ABI3BP: variants seen among roughly 807,000 people sequenced by gnomAD.
The protein encoded by ABI3BP is ABI family member 3 binding protein.
In ABI3BP, 216 loss-of-function variants were observed where a neutral mutation model predicts 268.6. The observed-to-expected ratio is 0.80, with a 90% CI of 0.72 to 0.90. The LOEUF is 0.90. Among genes scored for constraint, ABI3BP ranks in the 40% least tolerant of loss-of-function variants. ABI3BP has a pLI of 0.00. For synonymous variants in ABI3BP, 730 were observed against 730.0 expected (o/e 1.00, Z 0.00); for missense variants, 2,090 against 2,182.4 (o/e 0.96, Z 0.84).
intron 6 of ABI3BP, among the ~76,000 whole-genome samples, chr3:100,879,121 C>T (rs1260066381): frequency 6.6e-6 from 1 of 152,178 alleles, no homozygotes; most frequent in Non-Finnish European, 1.5e-5. Context: ...CTTACTCCTC[C>T]TGCCTAACTG....
chr3:100,784,806 T>TCA (rs2096975678), intron 57 of ABI3BP, among the ~76,000 whole-genome samples: 7 of 152,280 alleles, frequency 4.6e-5, no homozygotes, highest in African/African-American at 1.7e-4. Context: ...CTATATGTTC[T>TCA]TACTTAAAAG....
intron 44 of ABI3BP, among the ~76,000 whole-genome samples, chr3:100,814,534 T>C (rs933264867): frequency 6.6e-6 from 1 of 152,146 alleles, no homozygotes; most frequent in African/African-American, 2.4e-5. Context: ...GTAAATATTT[T>C]GTTTTTACTA....
rs889480832 is a variant in ABI3BP at position 100,770,687 on chromosome 3, A to AG, written c.4741+55dup. On this transcript the variant is annotated intron_variant, in intron 62 of 67. Transcript: ENST00000471714. ...CGTTGACCCAGGGTACCCCACTCCC[A>AG]GGGTATCTTGTTATCAAAGCTTCCC... The AG allele has an allele frequency of 1.9e-5, 26 of 1,378,790 alleles. No individual in the cohort carries two copies. The Middle Eastern group carries it at 1.1e-3, about 57-fold the overall frequency. The allele number at this position is 1,378,790 out of a possible 1,614,324, so 85.4% of individuals were successfully genotyped here.
intron 48 of ABI3BP, among the ~76,000 whole-genome samples, chr3:100,810,943 A>G (rs1452622789): frequency 6.6e-6 from 1 of 152,158 alleles, no homozygotes; most frequent in Non-Finnish European, 1.5e-5. Context: ...CATTCAACAC[A>G]ATGCCAAGCT....
chr3:100,826,556 A>G (rs2098388366), intron 34 of ABI3BP, among the ~76,000 whole-genome samples: 2 of 152,202 alleles, frequency 1.3e-5, no homozygotes, highest in Admixed American at 1.3e-4. Flanking sequence ...GTGAAAAACT[A>G]ATTTGCACTT....
At chr3:100,938,388 A>G (rs922554041) in intron 1 of ABI3BP, among the ~76,000 whole-genome samples, 6 of 152,042 alleles carry the variant, frequency 3.9e-5, no homozygotes, top group Non-Finnish European at 7.4e-5. Context: ...ATCACATAGC[A>G]TGGGCTTTCT....
intron 1 of ABI3BP, among the ~76,000 whole-genome samples, chr3:100,955,198 G>A (rs1353621890): frequency 6.6e-6 from 1 of 151,974 alleles, no homozygotes; most frequent in East Asian, 1.9e-4. Flanking sequence ...CTCAGTAAAA[G>A]AACAGACTGG....
Position 100,838,385 on chromosome 3 carries a change from T to A in ABI3BP, c.2008+17A>T. 1 of 1,534,478 alleles carries A rather than the reference T, an allele frequency of 6.5e-7. No individual in the cohort carries two copies. On this transcript the variant is annotated intron_variant, in intron 25 of 67. Transcript: ENST00000471714. The stretch of plus-strand genomic sequence containing the variant: ...GTTTTCCTATTTATAGATCAAGGCA[T>A]TGAAAGTAATGATTACCAGGCTGAA...
intron 59 of ABI3BP, among the ~76,000 whole-genome samples, chr3:100,775,868 T>G (rs2096686307): frequency 2.0e-5 from 3 of 151,966 alleles, no homozygotes. Flanking sequence ...AGGGACTGAG[T>G]CACTTGTGTA....
chr3:100,921,967 GA>G (rs1349524132), intron 2 of ABI3BP, among the ~76,000 whole-genome samples: 2 of 152,234 alleles, frequency 1.3e-5, no homozygotes, highest in Non-Finnish European at 2.9e-5. Context: ...ACATGTGTCA[GA>G]CAAGGCTGTA....
At chr3:100,778,794 T>C (rs1005173676) in intron 58 of ABI3BP, among the ~76,000 whole-genome samples, 5 of 152,218 alleles carry the variant, frequency 3.3e-5, no homozygotes, top group African/African-American at 1.2e-4. Flanking sequence ...TTTAAGTATA[T>C]GGGAAGATGT....
At position 100,907,573 on chromosome 3, in the gene ABI3BP, A is replaced by C. The variant is rs1269706946; in HGVS notation, c.260-4887T>G. On this transcript the variant is annotated intron_variant, in intron 2 of 67. Coordinates refer to ENST00000471714, the MANE Select transcript of ABI3BP (RefSeq NM_001375547.2). ...GTAACAATGGTGATTTCTAGAAAGC[A>C]GAGTTTGTGTTCTACAAAGTCTAAG... Among the ~76,000 whole-genome samples the C allele has an allele frequency of 2.0e-5, 3 of 152,340 alleles. No homozygotes were observed. In the East Asian group the frequency reaches 5.8e-4, roughly 29 times the overall value.
At chr3:100,756,565 C>T (rs975807740) in intron 63 of ABI3BP, among the ~76,000 whole-genome samples, 8 of 152,148 alleles carry the variant, frequency 5.3e-5, no homozygotes, top group African/African-American at 1.9e-4. Context: ...CATAGAACTA[C>T]AGTGAACTGA....
intron 33 of ABI3BP, 37 bp downstream of exon 33, chr3:100,829,544 G>A: frequency 6.7e-7 from 1 of 1,502,046 alleles, no homozygotes; most frequent in Non-Finnish European, 9.0e-7. Context: ...ACTGGGGTGG[G>A]CTGTTAGGAT....
chr3:100,794,542 A>G (rs561805839), intron 54 of ABI3BP, among the ~76,000 whole-genome samples: 44 of 152,068 alleles, frequency 2.9e-4, no homozygotes, highest in African/African-American at 9.4e-4. Context: ...TGCACCCAGT[A>G]AAGGCTTAAT....
chr3:100,752,127 T>TA (rs956633496), intron 66 of ABI3BP, among the ~76,000 whole-genome samples: 8 of 152,224 alleles, frequency 5.3e-5, no homozygotes, highest in Non-Finnish European at 8.8e-5. Context: ...ACTAACTTTT[T>TA]AGAGAGGCCT....
chr3:100,896,672 A>G (rs2047854457), intron 4 of ABI3BP, among the ~76,000 whole-genome samples: 1 of 152,140 alleles, frequency 6.6e-6, no homozygotes, highest in East Asian at 1.9e-4. Flanking sequence ...TAAAAAGAAA[A>G]AGAGCAATCC....
At chr3:100,974,843 G>A (rs2085320035) in intron 1 of ABI3BP, among the ~76,000 whole-genome samples, 1 of 152,122 alleles carries the variant, frequency 6.6e-6, no homozygotes, top group Admixed American at 6.6e-5. Context: ...TGAAAGTAAT[G>A]TCAAAATAAG....
intron 60 of ABI3BP, 77 bp downstream of exon 60, chr3:100,775,130 C>T (rs1453970536): frequency 6.5e-7 from 1 of 1,533,258 alleles, no homozygotes; most frequent in Non-Finnish European, 8.8e-7. Context: ...AACTGAGACT[C>T]ACCCATCCCC....
Sources: gnomAD v4.1 joint callset for allele counts (sites outside exome capture counted in the v4.1 genomes callset) on GRCh38, gnomAD v4.1.1 for gene constraint, MANE v1.5 for transcripts, NCBI Gene and HGNC (gene_info 2026-07-23, HGNC 2026-07-21) for gene names.